Variants in CDC42BPA observed in about 807,000 individuals in gnomAD.
CDC42BPA encodes CDC42 binding protein kinase alpha.
A neutral mutation model predicts 223.5 loss-of-function variants in CDC42BPA; 80 were observed. The observed-to-expected ratio is 0.36, with a 90% CI of 0.30 to 0.43. The LOEUF (loss-of-function observed/expected upper bound fraction) is 0.43, where lower values mean the gene tolerates loss of function less well. Among genes scored for constraint, CDC42BPA ranks in the 20% least tolerant of loss-of-function variants. The probability of loss-of-function intolerance (pLI) is 1.00; values close to 1 mark genes in which losing one functional copy is unlikely to be tolerated. For synonymous variants in CDC42BPA, 694 were observed against 718.6 expected, an observed-to-expected ratio of 0.97 and a Z score of 0.55; for missense variants, 1,743 against 2,099.9, an observed-to-expected ratio of 0.83 and a Z score of 3.32.
intron 5 of CDC42BPA, among the ~76,000 whole-genome samples, chr1:227,167,855 A>G (rs1665311972): frequency 6.6e-6 from 1 of 152,062 alleles, no homozygotes. Flanking sequence ...TTCATGTAGT[A>G]TCATTTCCCT....
intron 15 of CDC42BPA, among the ~76,000 whole-genome samples, chr1:227,100,723 GTGTGTC>G (rs981314827): frequency 7.3e-6 from 1 of 136,834 alleles, no homozygotes; most frequent in African/African-American, 2.8e-5. Flanking sequence ...AGGTGTGTGT[GTGTGTC>G]TGCCATCATA....
At chr1:227,258,172 C>A (rs1683416372) in intron 1 of CDC42BPA, among the ~76,000 whole-genome samples, 1 of 112,072 alleles carries the variant, frequency 8.9e-6, no homozygotes, top group South Asian at 2.7e-4. Context: ...GAAACCCTGT[C>A]CGGGAAAAAA....
chr1:227,167,658 TTCAGGTTAGTTGGTTGCCCTATGACC>T (rs1665276056), intron 5 of CDC42BPA, among the ~76,000 whole-genome samples: 1 of 152,170 alleles, frequency 6.6e-6, no homozygotes, highest in Non-Finnish European at 1.5e-5. Flanking sequence ...TTTCTTAGAT[TTCAGGTTAGTTGGTTGCCCTATGACC>T]TCAAATCTCT....
chr1:227,045,333 G>A (rs1026463973), intron 23 of CDC42BPA, among the ~76,000 whole-genome samples: 6 of 152,104 alleles, frequency 3.9e-5, no homozygotes, highest in African/African-American at 1.4e-4. Context: ...GGGTAAGTAT[G>A]TCATTTCAAT....
At position 227,216,473 on chromosome 1, in the gene CDC42BPA, A is replaced by G. The variant is rs113677144; in HGVS notation, c.271-3254T>C. ...GCTACCTAAAATCTTTTCTGGAATAAGGTGAGTGTGGTGAAATAAAAGTCA... is the reference window on the plus strand; with the variant it reads ...GCTACCTAAAATCTTTTCTGGAATAGGGTGAGTGTGGTGAAATAAAAGTCA... On this transcript the variant is annotated intron_variant, in intron 2 of 36. Coordinates refer to ENST00000366766, the MANE Select transcript of CDC42BPA (RefSeq NM_001394014.1). Among the ~76,000 whole-genome samples, 336 of 152,354 alleles carry G rather than the reference A, an allele frequency of 2.2e-3. 2 individuals are homozygous for G. The highest frequency in any genetic ancestry group is 7.5e-3 in the African/African-American group (312 of 41,586).
At chr1:227,259,487 G>T (rs1026320384) in intron 1 of CDC42BPA, among the ~76,000 whole-genome samples, 10 of 150,970 alleles carry the variant, frequency 6.6e-5, no homozygotes, top group Non-Finnish European at 1.3e-4. Context: ...GTGTTCTGGC[G>T]ATTCCTGACA....
intron 35 of CDC42BPA, among the ~76,000 whole-genome samples, chr1:226,999,879 CA>C (rs1388828519): frequency 7.7e-6 from 1 of 129,052 alleles, no homozygotes; most frequent in Non-Finnish European, 1.5e-5. Flanking sequence ...TGTTCTCATT[CA>C]TAAGTGGGAG....
chr1:227,069,998 C>A, intron 20 of CDC42BPA, 145 bp from the exon 21 acceptor site: 1 of 501,412 alleles, frequency 2.0e-6, no homozygotes, highest in South Asian at 3.7e-5. Flanking sequence ...TACATTTAAA[C>A]AAAACTAAAA....
chr1:227,014,698 C>T (rs1169512134), intron 34 of CDC42BPA, among the ~76,000 whole-genome samples: 1 of 152,032 alleles, frequency 6.6e-6, no homozygotes, highest in African/African-American at 2.4e-5. Flanking sequence ...AGACAGATTT[C>T]CTTAGAGAGC....
chr1:227,234,333 A>G (rs1027944574), intron 2 of CDC42BPA: 3 of 152,248 alleles, frequency 2.0e-5, no homozygotes. Context: ...CAGAGAGTAC[A>G]GTTTGTTAAG....
At chr1:227,113,984 C>T (rs1687362047) in intron 12 of CDC42BPA, among the ~76,000 whole-genome samples, 1 of 135,166 alleles carries the variant, frequency 7.4e-6, no homozygotes, top group Non-Finnish European at 1.5e-5. Flanking sequence ...CTCCATTGCA[C>T]TCTAGCTTGG....
At chr1:227,181,261 C>T (rs553052023) in intron 5 of CDC42BPA, among the ~76,000 whole-genome samples, 1 of 151,908 alleles carries the variant, frequency 6.6e-6, no homozygotes, top group Non-Finnish European at 1.5e-5. Flanking sequence ...TCAATTAACA[C>T]AGGGAAAAAA....
At chr1:227,243,710 C>G (rs1214077133) in intron 2 of CDC42BPA, among the ~76,000 whole-genome samples, 2 of 151,448 alleles carry the variant, frequency 1.3e-5, no homozygotes, top group Admixed American at 1.3e-4. Flanking sequence ...CTGTTCAATA[C>G]AAGATCTTTG....
chr1:227,233,435 T>G (rs372886840), intron 2 of CDC42BPA, among the ~76,000 whole-genome samples: 1 of 152,170 alleles, frequency 6.6e-6, no homozygotes, highest in Non-Finnish European at 1.5e-5. Context: ...TTAGACAGAA[T>G]GCATCTAAAG....
At chr1:227,200,445 C>CAAAAAA (rs71180714) in intron 3 of CDC42BPA, among the ~76,000 whole-genome samples, 5 of 109,122 alleles carry the variant, frequency 4.6e-5, no homozygotes, top group Non-Finnish European at 9.5e-5. Flanking sequence ...AACAAACAAA[C>CAAAAAA]AAAAAAAAAA....
At chr1:227,091,049 CT>C (rs1005329856) in intron 16 of CDC42BPA, among the ~76,000 whole-genome samples, 3 of 152,116 alleles carry the variant, frequency 2.0e-5, no homozygotes, top group Non-Finnish European at 4.4e-5. Flanking sequence ...TCACCTACCC[CT>C]GGTATCATTT....
chr1:227,127,009 TA>T (rs1689791445), intron 11 of CDC42BPA, among the ~76,000 whole-genome samples: 1 of 152,168 alleles, frequency 6.6e-6, no homozygotes, highest in Non-Finnish European at 1.5e-5. Flanking sequence ...TTGTCAGAAT[TA>T]AAAATCCCAA....
intron 8 of CDC42BPA, among the ~76,000 whole-genome samples, chr1:227,144,574 C>CAAAAAAAAAAAAAAAA (rs57568297): frequency 6.3e-5 from 4 of 63,484 alleles, no homozygotes; most frequent in Admixed American, 5.0e-4. Flanking sequence ...GACTCTGTCT[C>CAAAAAAAAAAAAAAAA]AAAAAAAAAA....
chr1:227,182,132 A>C (rs997498492), intron 5 of CDC42BPA, among the ~76,000 whole-genome samples: 4 of 152,074 alleles, frequency 2.6e-5, no homozygotes, highest in African/African-American at 2.4e-5. Flanking sequence ...GGCTACTCTT[A>C]ATCTATCCAG....
Sources: gnomAD v4.1 joint callset for allele counts (sites outside exome capture counted in the v4.1 genomes callset) on GRCh38, gnomAD v4.1.1 for gene constraint, MANE v1.5 for transcripts, NCBI Gene and HGNC (gene_info 2026-07-23, HGNC 2026-07-21) for gene names.